The following SND1 variants were observed in gnomAD, a reference collection of about 807,000 sequenced individuals.
SND1 encodes staphylococcal nuclease domain-containing protein 1.
In SND1, 38 loss-of-function variants were observed where a neutral mutation model predicts 121.7. The ratio of observed to expected loss-of-function variants is 0.31; its 90% CI spans 0.24 to 0.41. SND1 has a LOEUF of 0.41. Ranked by LOEUF, SND1 falls within the 10% of genes least tolerant of loss-of-function variation. SND1 has a pLI of 1.00. For missense variants in SND1, 868 were observed against 1,184.6 expected, an observed-to-expected ratio of 0.73 and a Z score of 3.92; for synonymous variants, 401 against 447.4, an observed-to-expected ratio of 0.90 and a Z score of 1.31.
chr7:128,064,043 AT>A (rs569611869), intron 16 of SND1, among the ~76,000 whole-genome samples: 17 of 149,714 alleles, frequency 1.1e-4, no homozygotes, highest in African/African-American at 2.9e-4. Context: ...AGATTGGGAA[AT>A]TTTTTTTTTT....
chr7:127,804,928 G>A (rs567494100), intron 10 of SND1, among the ~76,000 whole-genome samples: 2 of 152,144 alleles, frequency 1.3e-5, no homozygotes, highest in Non-Finnish European at 2.9e-5. Context: ...TGAGTACGCT[G>A]ACACTTCTTT....
chr7:128,059,973 G>A (rs576242287), intron 16 of SND1, among the ~76,000 whole-genome samples: 1 of 152,330 alleles, frequency 6.6e-6, no homozygotes, highest in African/African-American at 2.4e-5. Flanking sequence ...AAGAGGTAAT[G>A]GATTACCAAG....
intron 1 of SND1, among the ~76,000 whole-genome samples, chr7:127,677,625 A>G (rs1456970138): frequency 6.6e-6 from 1 of 152,246 alleles, no homozygotes; most frequent in Non-Finnish European, 1.5e-5. Flanking sequence ...CTCTGTCGCA[A>G]CTACTCAACT....
At chr7:127,934,106 A>G (rs1450613279) in intron 15 of SND1, among the ~76,000 whole-genome samples, 1 of 152,222 alleles carries the variant, frequency 6.6e-6, no homozygotes, top group Admixed American at 6.5e-5. Context: ...GGTGGACATC[A>G]GAGAACACCT....
chr7:128,089,343 C>T (rs1051966662), intron 21 of SND1, 146 bp from the exon 22 acceptor site: 8 of 715,224 alleles, frequency 1.1e-5, no homozygotes, highest in South Asian at 2.0e-5. Context: ...CATGAGCCAC[C>T]GTGCCTGGCC....
At chr7:127,852,404 C>T (rs1799181863) in intron 12 of SND1, among the ~76,000 whole-genome samples, 1 of 150,534 alleles carries the variant, frequency 6.6e-6, no homozygotes, top group Admixed American at 6.6e-5. Flanking sequence ...AGGAGAATCG[C>T]TTGAACCCTG....
intron 10 of SND1, among the ~76,000 whole-genome samples, chr7:127,744,590 C>T (rs775808918): frequency 6.6e-6 from 1 of 152,172 alleles, no homozygotes; most frequent in Non-Finnish European, 1.5e-5. Context: ...ATGCTCATTT[C>T]TTCTTAGCTG....
intron 15 of SND1, among the ~76,000 whole-genome samples, chr7:127,931,125 A>AC (rs989166899): frequency 8.7e-4 from 133 of 152,210 alleles, no homozygotes; most frequent in African/African-American, 3.1e-3. Context: ...TGATAAGAAA[A>AC]CCAAACAAAG....
intron 16 of SND1, among the ~76,000 whole-genome samples, chr7:128,069,577 A>T (rs1228257475): frequency 6.6e-6 from 1 of 152,200 alleles, no homozygotes; most frequent in Non-Finnish European, 1.5e-5. Context: ...TTCCCCATGG[A>T]GCTGACAGTC....
At chr7:128,064,019 A>C (rs557910332) in intron 16 of SND1, among the ~76,000 whole-genome samples, 52 of 152,350 alleles carry the variant, frequency 3.4e-4, no homozygotes, top group African/African-American at 1.2e-3. Context: ...TTTCAGCAGA[A>C]GGGTGAAGTG....
chr7:128,086,417 C>G (rs1584781712), intron 20 of SND1: 1 of 213,760 alleles, frequency 4.7e-6, no homozygotes, highest in East Asian at 1.4e-4. Flanking sequence ...TAGTAGAGAG[C>G]CCAGAGTTGG....
chr7:128,031,375 C>T (rs558349372), intron 16 of SND1: 1 of 151,988 alleles, frequency 6.6e-6, no homozygotes, highest in Admixed American at 6.5e-5. Flanking sequence ...GCCGCACTCG[C>T]TGGATGCTGC....
At chr7:128,063,882 G>A (rs1450817480) in intron 16 of SND1, among the ~76,000 whole-genome samples, 1 of 152,188 alleles carries the variant, frequency 6.6e-6, no homozygotes, top group African/African-American at 2.4e-5. Flanking sequence ...GGAGTTGTGT[G>A]GCCTGACTAA....
chr7:127,662,625 T>G (rs1172233393), intron 1 of SND1, among the ~76,000 whole-genome samples: 1 of 152,138 alleles, frequency 6.6e-6, no homozygotes. Context: ...TAGATAAAAT[T>G]TAGGGTAAAA....
intron 15 of SND1, among the ~76,000 whole-genome samples, chr7:127,947,831 C>T (rs1026627720): frequency 2.0e-5 from 3 of 152,188 alleles, no homozygotes; most frequent in Non-Finnish European, 4.4e-5. Flanking sequence ...TCACTCAGCT[C>T]TGTTTTCCCA....
At chr7:127,757,813 A>G (rs1305507201) in intron 10 of SND1, among the ~76,000 whole-genome samples, 3 of 152,106 alleles carry the variant, frequency 2.0e-5, no homozygotes, top group Admixed American at 2.0e-4. Flanking sequence ...AATATCTTCT[A>G]ATTTGTGGTT....
chr7:127,931,826 A>T (rs1349203972), intron 15 of SND1, among the ~76,000 whole-genome samples: 1 of 152,232 alleles, frequency 6.6e-6, no homozygotes, highest in Non-Finnish European at 1.5e-5. Flanking sequence ...CAAAGCCTGT[A>T]TGACGGCACA....
intron 16 of SND1, among the ~76,000 whole-genome samples, chr7:128,041,875 A>G (rs1170387507): frequency 4.6e-5 from 7 of 152,216 alleles, no homozygotes; most frequent in Non-Finnish European, 1.0e-4. Flanking sequence ...CTACCAGCCA[A>G]GAATGCTAAG....
chr7:127,762,468 G>GA (rs1368892552), intron 10 of SND1, among the ~76,000 whole-genome samples: 2 of 152,168 alleles, frequency 1.3e-5, no homozygotes, highest in African/African-American at 2.4e-5. Flanking sequence ...GGGAGCACCA[G>GA]ATTAGGACCC....
Sources: gnomAD v4.1 joint callset for allele counts (sites outside exome capture counted in the v4.1 genomes callset) on GRCh38, gnomAD v4.1.1 for gene constraint, MANE v1.5 for transcripts, NCBI Gene and HGNC (gene_info 2026-07-23, HGNC 2026-07-21) for gene names.